Variants in PDGFRA observed in about 807,000 individuals in gnomAD.
PDGFRA encodes platelet-derived growth factor receptor alpha.
In PDGFRA, 25 loss-of-function variants were observed where a neutral mutation model predicts 121.5. The observed-to-expected ratio is 0.21, with a 90% CI of 0.15 to 0.29. The LOEUF is 0.29. PDGFRA is among the 10% of genes least tolerant of loss of function. The pLI is 1.00. For missense variants in PDGFRA, 1,008 were observed against 1,345.1 expected (o/e 0.75, Z 3.92); for synonymous variants, 463 against 494.8 (o/e 0.94, Z 0.85).
intron 1 of PDGFRA, among the ~76,000 whole-genome samples, chr4:54,249,333 A>C (rs372702290): frequency 1.8e-4 from 28 of 152,330 alleles, no homozygotes; most frequent in East Asian, 1.7e-3. Context: ...ACACATGCAC[A>C]CGTATGTTTA....
chr4:54,262,665 C>G (rs1722814385), intron 3 of PDGFRA, among the ~76,000 whole-genome samples: 1 of 152,028 alleles, frequency 6.6e-6, no homozygotes, highest in Non-Finnish European at 1.5e-5. Context: ...TATGAACCTT[C>G]CTTCTTAACA....
intron 1 of PDGFRA, among the ~76,000 whole-genome samples, chr4:54,253,284 A>G (rs951170825): frequency 2.6e-5 from 4 of 152,236 alleles, no homozygotes; most frequent in African/African-American, 7.2e-5. Flanking sequence ...ATTAATCTCC[A>G]TAATTTAGTC....
At chr4:54,254,446 T>G (rs1393479207) in intron 1 of PDGFRA, among the ~76,000 whole-genome samples, 1 of 152,180 alleles carries the variant, frequency 6.6e-6, no homozygotes, top group African/African-American at 2.4e-5. Context: ...TAAATAATCT[T>G]CCCTGGCAGT....
rs2229307 is a variant in PDGFRA at position 54,263,911 on chromosome 4, T to C, written c.612T>C (p.Asn204=). 237,951 of 1,612,950 alleles carry C rather than the reference T, an allele frequency of 0.15. 20,970 individuals carry two copies. The highest frequency in any genetic ancestry group is 0.37 in the Admixed American group (22,203 of 59,958). The change falls in exon 4 of 23, where the codon AAT becomes AAC. Residue 204 remains asparagine (N), a synonymous_variant. Transcript: ENST00000257290. ...AGAAGTTCCAGACCATCCCATTTAA[T>C]GTTTATGCTTTAAAAGGTACTTGTA... ...KGKKFQTIPF[N]VYALKATSEL...
At position 54,273,671 on chromosome 4, in the gene PDGFRA, G is replaced by A. The variant is rs1308521786; in HGVS notation, c.1499G>A (p.Arg500Gln). The A allele has an allele frequency of 2.5e-6, 4 of 1,613,932 alleles. No homozygotes were observed. The highest frequency in any genetic ancestry group is 3.4e-6 in the Non-Finnish European group (4 of 1,180,012). ...FAKVEETIAV[R>Q]CLAKNLLGAE... The stretch of plus-strand genomic sequence containing the variant: ...AAAGTGGAGGAGACCATCGCCGTGC[G>A]ATGCCTGGCTAAGAATCTCCTTGGA... Residue 500 changes from arginine (R) to glutamine (Q), a missense_variant, in exon 10 of 23, where the codon CGA (arginine) becomes CAA (glutamine). Coordinates refer to ENST00000257290, the MANE Select transcript of PDGFRA (RefSeq NM_006206.6).
intron 1 of PDGFRA, among the ~76,000 whole-genome samples, chr4:54,249,546 A>G (rs978005068): frequency 1.3e-5 from 2 of 152,148 alleles, no homozygotes; most frequent in Non-Finnish European, 2.9e-5. Flanking sequence ...AAAAAACCAA[A>G]TGCCGCATAT....
chr4:54,258,916 C>A, intron 2 of PDGFRA, 99 bp downstream of exon 2: 1 of 935,090 alleles, frequency 1.1e-6, no homozygotes, highest in Non-Finnish European at 1.7e-6. Flanking sequence ...CATACACAGT[C>A]CAAAAGAGTG....
chr4:54,268,353 A>G (rs1330103573), intron 7 of PDGFRA, among the ~76,000 whole-genome samples: 2 of 152,174 alleles, frequency 1.3e-5, no homozygotes, highest in African/African-American at 4.8e-5. Flanking sequence ...CTCATCTACA[A>G]TGTAGGATAA....
chr4:54,274,760 C>G (rs1386966976), intron 11 of PDGFRA, 81 bp from the exon 12 acceptor site: 1 of 1,524,152 alleles, frequency 6.6e-7, no homozygotes, highest in Non-Finnish European at 9.1e-7. Context: ...CTACTGTGTC[C>G]AGTCACTGTG....
At position 54,274,883 on chromosome 4, in the gene PDGFRA, A is replaced by G. The variant is rs1723633126; in HGVS notation, c.1696A>G (p.Ser566Gly). Residue 566 changes from serine to glycine, a missense_variant, in exon 12 of 23, where the codon AGC becomes GGC. Transcript: ENST00000257290. ...EIRWRVIESI[S>G]PDGHEYIYVD... ...TCGCTGGAGGGTCATTGAATCAATC[A>G]GCCCAGATGGACATGAATATATTTA... 1.2e-6 allele frequency: 2 copies of G among 1,614,064 alleles called. No individual in the cohort carries two copies. The highest frequency in any genetic ancestry group is 1.7e-6 in the Non-Finnish European group (2 of 1,179,926).
At chr4:54,263,994 A>ATTT in intron 4 of PDGFRA, 67 bp downstream of exon 4, 12 of 1,201,796 alleles carry the variant, frequency 1.0e-5, no homozygotes, top group Admixed American at 6.9e-5. Context: ...TGCGTGTAGG[A>ATTT]TTTTTTTTTT....
chr4:54,259,053 G>A (rs1722537636), intron 2 of PDGFRA, among the ~76,000 whole-genome samples: 1 of 152,288 alleles, frequency 6.6e-6, no homozygotes, highest in South Asian at 2.1e-4. Flanking sequence ...CATATATAAT[G>A]TTGGCATTGA....
chr4:54,269,504 TACACACACAC>T (rs141245838), intron 7 of PDGFRA, among the ~76,000 whole-genome samples: 1 of 142,288 alleles, frequency 7.0e-6, no homozygotes, highest in Non-Finnish European at 1.5e-5. Flanking sequence ...TGCACATACA[TACACACACAC>T]ACACACACAC....
intron 9 of PDGFRA, among the ~76,000 whole-genome samples, chr4:54,273,095 TA>T (rs1175099838): frequency 6.6e-6 from 1 of 152,192 alleles, no homozygotes; most frequent in Non-Finnish European, 1.5e-5. Context: ...AGCAGGATTC[TA>T]GGTCTTATAA....
chr4:54,258,748 C>A lies in PDGFRA; in HGVS notation c.-12-9C>A. ...TAATGCTGTTTCTGTTGACTTTTGACTTTTCTAGTTTCCCAGAGCTATGGG... is the reference window on the plus strand; with the variant it reads ...TAATGCTGTTTCTGTTGACTTTTGAATTTTCTAGTTTCCCAGAGCTATGGG... On this transcript the variant is annotated splice_polypyrimidine_tract_variant and intron_variant, in intron 1 of 22. Coordinates refer to ENST00000257290, the MANE Select transcript of PDGFRA (RefSeq NM_006206.6). 1 of 1,599,196 alleles carries A rather than the reference C, an allele frequency of 6.3e-7. No individual in the cohort carries two copies. The highest frequency in any genetic ancestry group is 8.6e-7 in the Non-Finnish European group (1 of 1,166,318).
intron 10 of PDGFRA, 21 bp from the exon 11 acceptor site, chr4:54,274,510 C>CCT: frequency 1.3e-6 from 2 of 1,574,542 alleles, no homozygotes; most frequent in Non-Finnish European, 1.7e-6. Flanking sequence ...TTTCATTGTG[C>CCT]CTCTCTCTCT....
At chr4:54,244,561 C>T (rs1721510414) in intron 1 of PDGFRA, among the ~76,000 whole-genome samples, 1 of 152,152 alleles carries the variant, frequency 6.6e-6, no homozygotes, top group Admixed American at 6.5e-5. Flanking sequence ...ACCAAAAACC[C>T]ATCTGTACAT....
chr4:54,244,232 G>C (rs1002189900), intron 1 of PDGFRA, among the ~76,000 whole-genome samples: 1 of 152,218 alleles, frequency 6.6e-6, no homozygotes, highest in African/African-American at 2.4e-5. Flanking sequence ...CCAGCACACA[G>C]CTGGAGATCT....
chr4:54,279,319 T>C (rs905438721), intron 15 of PDGFRA, among the ~76,000 whole-genome samples: 2 of 152,164 alleles, frequency 1.3e-5, no homozygotes, highest in African/African-American at 4.8e-5. Flanking sequence ...TCATGGCAGC[T>C]GACATTTGTG....
Sources: allele counts gnomAD v4.1 joint callset (sites outside exome capture counted in the v4.1 genomes callset), GRCh38; gene constraint gnomAD v4.1.1; transcripts MANE v1.5; gene names NCBI Gene and HGNC (gene_info 2026-07-23, HGNC 2026-07-21).